The following STIM1 variants were observed in gnomAD, a reference collection of about 807,000 sequenced individuals.
STIM1 encodes stromal interaction molecule 1.
STIM1 carries 25 observed loss-of-function variants against 74.7 expected under a neutral mutation model. The ratio of observed to expected loss-of-function variants is 0.33; its 90% CI spans 0.24 to 0.47. STIM1 has a LOEUF of 0.47. Among genes scored for constraint, STIM1 ranks in the 20% least tolerant of loss-of-function variants. The pLI is 1.00. For synonymous variants in STIM1, 328 were observed against 348.8 expected, an observed-to-expected ratio of 0.94 and a Z score of 0.66; for missense variants, 728 against 920.8, an observed-to-expected ratio of 0.79 and a Z score of 2.71.
chr11:4,067,023 CT>C (rs1214052722), intron 5 of STIM1, among the ~76,000 whole-genome samples: 1 of 152,176 alleles, frequency 6.6e-6, no homozygotes, highest in African/African-American at 2.4e-5. Context: ...GCTTCAGCTA[CT>C]TCTTCTTTCT....
intron 2 of STIM1, among the ~76,000 whole-genome samples, chr11:3,996,863 T>C (rs1368599891): frequency 2.0e-5 from 3 of 152,350 alleles, no homozygotes; most frequent in Admixed American, 6.5e-5. Context: ...TTCTTTCTCA[T>C]AGTGCATTTT....
intron 2 of STIM1, among the ~76,000 whole-genome samples, chr11:3,992,089 G>GTTTTTTTTTTTTT (rs75377604): frequency 3.5e-4 from 33 of 95,384 alleles, no homozygotes; most frequent in East Asian, 1.3e-3. Flanking sequence ...CTGTTTTTTT[G>GTTTTTTTTTTTTT]TTTTTTTTTT....
At chr11:4,004,737 G>T (rs537393830) in intron 2 of STIM1, among the ~76,000 whole-genome samples, 1 of 151,782 alleles carries the variant, frequency 6.6e-6, no homozygotes, top group Non-Finnish European at 1.5e-5. Flanking sequence ...TTGACAAATG[G>T]GATCTAATTA....
rs768152391 is a variant in STIM1 at position 4,055,494 on chromosome 11, A to G, written c.386-32A>G. The stretch of plus-strand genomic sequence containing the variant: ...AAATGAAAGCAGTGCTTGGCATTCT[A>G]GAGTCATGGCTTTGCTTGTCTCTTT... On this transcript the variant is annotated intron_variant, in intron 3 of 12. Transcript: ENST00000526596. 11 of 1,518,554 alleles carry G rather than the reference A, an allele frequency of 7.2e-6. No individual in the cohort carries two copies. In the East Asian group the frequency reaches 2.1e-4, roughly 29 times the overall value. 94.1% of individuals were successfully genotyped at this position (1,518,554 alleles called of 1,614,324 possible). A position where few individuals can be genotyped will look rare whatever the true frequency, so the allele number is the denominator to read the frequency against.
rs1347670591 is a variant in STIM1, at chr11:4,091,406, A to G, written c.1759A>G (p.Ser587Gly). ...TCTCAATGCCATGACTTCCAATGGC[A>G]GCCACCGGCTGATCGAGGGGGTCCA... ...EALNAMTSNG[S>G]HRLIEGVHPG... Residue 587 changes from serine to glycine, a missense_variant, in exon 13 of 13, where the codon AGC becomes GGC. Coordinates refer to ENST00000526596, the MANE Select transcript of STIM1 (RefSeq NM_001382567.1). 2.5e-6 allele frequency: 4 copies of G among 1,614,054 alleles called. No individual in the cohort carries two copies. Among genetic ancestry groups the G allele is most frequent in the Non-Finnish European group, 8.5e-7 (1 of 1,180,042 alleles).
intron 1 of STIM1, among the ~76,000 whole-genome samples, chr11:3,934,220 CTT>C (rs56117114): frequency 6.7e-6 from 1 of 149,154 alleles, no homozygotes; most frequent in East Asian, 2.0e-4. Flanking sequence ...TTTCAGCACT[CTT>C]TTTTTTTTTC....
chr11:4,062,597 G>C (rs146749007), intron 5 of STIM1, among the ~76,000 whole-genome samples: 2 of 152,312 alleles, frequency 1.3e-5, no homozygotes, highest in African/African-American at 4.8e-5. Context: ...ACTCCAGCCT[G>C]GGTGACAGGG....
At chr11:3,856,496 G>C in intron 1 of STIM1, 87 bp downstream of exon 1, 1 of 1,502,690 alleles carries the variant, frequency 6.7e-7, no homozygotes, top group Non-Finnish European at 9.0e-7. Flanking sequence ...ATCTAGGTTT[G>C]TACATGTGAG....
intron 1 of STIM1, among the ~76,000 whole-genome samples, chr11:3,900,064 A>G (rs538354057): frequency 1.3e-5 from 2 of 151,972 alleles, no homozygotes; most frequent in Admixed American, 6.5e-5. Context: ...CTCTTTTTCT[A>G]TTGATTGGAA....
intron 1 of STIM1, 65 bp from the exon 2 acceptor site, chr11:3,967,487 A>C: frequency 8.1e-6 from 13 of 1,612,434 alleles, no homozygotes; most frequent in Non-Finnish European, 1.1e-5. Context: ...GGATGCTGAC[A>C]CAGGTGGGTG....
intron 3 of STIM1, among the ~76,000 whole-genome samples, chr11:4,038,015 A>G (rs1452647972): frequency 6.6e-6 from 1 of 150,492 alleles, no homozygotes; most frequent in South Asian, 2.1e-4. Context: ...GATAAAAGAT[A>G]TGTATCTTTA....
chr11:3,979,979 C>T (rs955174502), intron 2 of STIM1, among the ~76,000 whole-genome samples: 1 of 152,120 alleles, frequency 6.6e-6, no homozygotes, highest in Admixed American at 6.6e-5. Flanking sequence ...TTTCCCATTC[C>T]TACTGATCTT....
In STIM1 at chr11:4,004,079, T is replaced by G. The variant is rs929019635; in HGVS notation, c.271-19794T>G. 7.1e-3 allele frequency among the ~76,000 whole-genome samples: 1,073 copies of G among 152,086 alleles called. 17 individuals carry two copies. Among genetic ancestry groups the G allele is most frequent in the African/African-American group, 0.025 (1,017 of 41,486 alleles). On this transcript the variant is annotated intron_variant, in intron 2 of 12. Transcript: ENST00000526596. ...AGGAGAACTACAAACCACTGCTCAA[T>G]GAAATAAAAGAGGATACAAACAAAT...
At chr11:3,876,388 G>A (rs2091307805) in intron 1 of STIM1, among the ~76,000 whole-genome samples, 1 of 152,074 alleles carries the variant, frequency 6.6e-6, no homozygotes, top group Non-Finnish European at 1.5e-5. Context: ...CCTGTGAGTT[G>A]AGGGAAAGGA....
intron 2 of STIM1, among the ~76,000 whole-genome samples, chr11:4,002,345 C>T (rs1036124039): frequency 5.5e-4 from 81 of 148,612 alleles, no homozygotes; most frequent in Middle Eastern, 3.5e-3. Flanking sequence ...AAGTAAAGCA[C>T]TCCTCAGCAA....
In STIM1 at chr11:3,945,092, G is replaced by T. The variant is rs61897169; in HGVS notation, c.140-22460G>T. On this transcript the variant is annotated intron_variant, in intron 1 of 12. Transcript: ENST00000526596. ...CTTTGGAGTCAAGCTGCCTGGGTTT[G>T]AATCCTTACTTTTACAACTTACTGG... Among the ~76,000 whole-genome samples, 781 of 152,292 alleles carry T rather than the reference G, an allele frequency of 5.1e-3. 6 individuals carry two copies. Among genetic ancestry groups the T allele is most frequent in the Non-Finnish European group, 7.5e-3 (511 of 68,018 alleles).
intron 1 of STIM1, among the ~76,000 whole-genome samples, chr11:3,856,806 T>C (rs779141763): frequency 7.9e-5 from 12 of 152,210 alleles, no homozygotes; most frequent in Non-Finnish European, 1.8e-4. Flanking sequence ...GGGCCACTTA[T>C]GTTGGAAAGG....
At chr11:4,073,952 C>G (rs1452344356) in intron 6 of STIM1, among the ~76,000 whole-genome samples, 2 of 152,150 alleles carry the variant, frequency 1.3e-5, no homozygotes, top group African/African-American at 4.8e-5. Context: ...CCTCTGCTAC[C>G]ACCCCAGTCA....
At chr11:3,992,325 A>G (rs1170596190) in intron 2 of STIM1, among the ~76,000 whole-genome samples, 1 of 151,592 alleles carries the variant, frequency 6.6e-6, no homozygotes, top group Non-Finnish European at 1.5e-5. Flanking sequence ...GAGACATGAG[A>G]ATGGCTTGAA....
Sources: gnomAD v4.1 joint callset for allele counts (sites outside exome capture counted in the v4.1 genomes callset) on GRCh38, gnomAD v4.1.1 for gene constraint, MANE v1.5 for transcripts, NCBI Gene and HGNC (gene_info 2026-07-23, HGNC 2026-07-21) for gene names.